The following SMYD3 variants were observed in gnomAD, a reference collection of about 807,000 sequenced individuals.
SMYD3 encodes SET and MYND domain containing 3.
A neutral mutation model predicts 57.7 loss-of-function variants in SMYD3; 36 were observed. The ratio of observed to expected loss-of-function variants is 0.62; its 90% CI spans 0.48 to 0.82. The LOEUF (loss-of-function observed/expected upper bound fraction) is 0.82, where lower values mean the gene tolerates loss of function less well. Among genes scored for constraint, SMYD3 ranks in the 40% least tolerant of loss-of-function variants. The pLI is 0.00. For missense variants in SMYD3, 515 were observed against 538.8 expected (o/e 0.96, Z 0.44); for synonymous variants, 211 against 195.0 (o/e 1.08, Z -0.68).
chr1:246,122,667 T>C (rs1335534634), intron 5 of SMYD3, among the ~76,000 whole-genome samples: 2 of 152,224 alleles, frequency 1.3e-5, no homozygotes, highest in African/African-American at 2.4e-5. Context: ...AGGACACGTT[T>C]CATTTAACTC....
chr1:246,001,098 C>T (rs2059033498), intron 5 of SMYD3, among the ~76,000 whole-genome samples: 1 of 152,146 alleles, frequency 6.6e-6, no homozygotes, highest in Non-Finnish European at 1.5e-5. Context: ...AGGAGGGAAA[C>T]GAGACTGATG....
At chr1:246,336,137 G>C (rs1052573640) in intron 2 of SMYD3, among the ~76,000 whole-genome samples, 1 of 152,248 alleles carries the variant, frequency 6.6e-6, no homozygotes, top group South Asian at 2.1e-4. Context: ...CCTAAGCCAT[G>C]ATCCTAGCCA....
At chr1:246,081,998 C>T (rs1212104400) in intron 5 of SMYD3, among the ~76,000 whole-genome samples, 1 of 152,238 alleles carries the variant, frequency 6.6e-6, no homozygotes, top group East Asian at 1.9e-4. Context: ...TTGCCAAGAT[C>T]ATGACGGTGA....
intron 5 of SMYD3, among the ~76,000 whole-genome samples, chr1:246,212,914 T>C (rs1370715235): frequency 6.6e-6 from 1 of 152,144 alleles, no homozygotes; most frequent in African/African-American, 2.4e-5. Flanking sequence ...TTCAGTAACT[T>C]GCTCTCCCTT....
intron 5 of SMYD3, among the ~76,000 whole-genome samples, chr1:245,937,909 G>A (rs894004299): frequency 2.0e-5 from 3 of 152,228 alleles, no homozygotes; most frequent in Non-Finnish European, 2.9e-5. Context: ...GCTAGGTGCT[G>A]CATAGCACCT....
chr1:246,370,200 G>A (rs1017832663), intron 1 of SMYD3, among the ~76,000 whole-genome samples: 1 of 152,162 alleles, frequency 6.6e-6, no homozygotes, highest in Non-Finnish European at 1.5e-5. Context: ...GGGCATCATC[G>A]CATAACGTCC....
intron 5 of SMYD3, among the ~76,000 whole-genome samples, chr1:246,225,466 A>G (rs558544369): frequency 6.6e-6 from 1 of 151,666 alleles, no homozygotes; most frequent in South Asian, 2.1e-4. Flanking sequence ...CTGAAAAGAG[A>G]ATGGAAGGTG....
chr1:246,146,425 C>T (rs973484955), intron 5 of SMYD3, among the ~76,000 whole-genome samples: 1 of 152,154 alleles, frequency 6.6e-6, no homozygotes, highest in African/African-American at 2.4e-5. Flanking sequence ...TGTGAGTTAA[C>T]GACAAGGGTT....
intron 5 of SMYD3, among the ~76,000 whole-genome samples, chr1:246,182,156 C>T (rs569972533): frequency 1.9e-4 from 29 of 152,200 alleles, no homozygotes; most frequent in African/African-American, 7.0e-4. Context: ...TAACTGAAAT[C>T]CAGCACATTA....
rs560325829 is a variant in SMYD3 at position 246,220,248 on chromosome 1, T to G, written c.531+106953A>C. ...GACCCACTGCTACCATCACACCAGC[T>G]GCAGTGAGGAGGAATGGCCGGGCCT... is the stretch of plus-strand genomic sequence containing the variant. On this transcript the variant is annotated intron_variant, in intron 5 of 11. Transcript: ENST00000490107. Among the ~76,000 whole-genome samples the G allele has an allele frequency of 5.3e-5, 8 of 152,038 alleles. No homozygotes were observed. In the South Asian group the frequency reaches 1.7e-3, roughly 32 times the overall value.
At chr1:246,395,791 G>A (rs1316369620) in intron 1 of SMYD3, among the ~76,000 whole-genome samples, 1 of 151,726 alleles carries the variant, frequency 6.6e-6, no homozygotes, top group East Asian at 1.9e-4. Flanking sequence ...TGGTCAGACA[G>A]GGAAGAGGAA....
rs115296588 is a variant in SMYD3, at chr1:246,203,850, C to A, written c.531+123351G>T. 3.3e-3 allele frequency among the ~76,000 whole-genome samples: 507 copies of A among 152,302 alleles called. 3 individuals carry two copies. Among genetic ancestry groups the A allele is most frequent in the African/African-American group, 0.012 (489 of 41,552 alleles). Reference sequence around the variant, plus strand: ...ATCTTTTTCATATTTAATGCACCAACAACCCACTCCTAGTCCAGATCTTCC... The same window carrying A: ...ATCTTTTTCATATTTAATGCACCAAAAACCCACTCCTAGTCCAGATCTTCC... On this transcript the variant is annotated intron_variant, in intron 5 of 11. Coordinates refer to ENST00000490107, the MANE Select transcript of SMYD3 (RefSeq NM_001167740.2). The surrounding 1 kb of genome is among the most constrained non-coding windows in gnomAD (Gnocchi z 4.6).
intron 5 of SMYD3, among the ~76,000 whole-genome samples, chr1:246,295,228 C>G (rs1480766956): frequency 1.3e-5 from 2 of 152,084 alleles, no homozygotes; most frequent in African/African-American, 4.8e-5. Flanking sequence ...TCTTTAGTGT[C>G]AGAGACCAAA....
chr1:246,029,687 A>G (rs868315293), intron 5 of SMYD3, among the ~76,000 whole-genome samples: 64 of 146,524 alleles, frequency 4.4e-4, no homozygotes, highest in Middle Eastern at 3.4e-3. Flanking sequence ...AAAAAAAAAA[A>G]AAAGAAAGAA....
rs1323155257 is a variant in SMYD3, at chr1:245,865,236, T to C, written c.814-1350A>G. Among the ~76,000 whole-genome samples the C allele has an allele frequency of 6.6e-5, 10 of 152,288 alleles. No individual in the cohort carries two copies. In the East Asian group the frequency reaches 1.9e-3, roughly 29 times the overall value. On this transcript the variant is annotated intron_variant, in intron 8 of 11. Transcript: ENST00000490107. Reference sequence around the variant, plus strand: ...TCTTCACATAGCTCTTCTATGTATGTAAGGTCAAATCCCATGGGGTAACAC... The same window carrying C: ...TCTTCACATAGCTCTTCTATGTATGCAAGGTCAAATCCCATGGGGTAACAC...
At chr1:246,458,746 G>A (rs1478412407) in intron 1 of SMYD3, among the ~76,000 whole-genome samples, 7 of 151,036 alleles carry the variant, frequency 4.6e-5, no homozygotes, top group Non-Finnish European at 7.4e-5. Context: ...GATTACAGGC[G>A]TGAGCCACCG....
At chr1:245,776,727 A>G (rs934756823) in intron 10 of SMYD3, among the ~76,000 whole-genome samples, 2 of 152,242 alleles carry the variant, frequency 1.3e-5, no homozygotes, top group Non-Finnish European at 2.9e-5. Flanking sequence ...TCTTCTTTGA[A>G]GATTTTCAAA....
chr1:245,894,096 T>C (rs538426402), intron 8 of SMYD3, among the ~76,000 whole-genome samples: 5 of 152,246 alleles, frequency 3.3e-5, no homozygotes, highest in African/African-American at 9.6e-5. Context: ...GAGTGGGGAA[T>C]TGGAGAACTT....
intron 5 of SMYD3, among the ~76,000 whole-genome samples, chr1:245,996,467 G>A (rs1021311426): frequency 1.3e-5 from 2 of 152,174 alleles, no homozygotes; most frequent in Non-Finnish European, 2.9e-5. Flanking sequence ...TTTAAACACT[G>A]TGCTCTAACC....
Sources: allele counts gnomAD v4.1 joint callset (sites outside exome capture counted in the v4.1 genomes callset), GRCh38; gene constraint gnomAD v4.1.1; non-coding constraint Gnocchi (gnomAD v3.1); transcripts MANE v1.5; gene names NCBI Gene and HGNC (gene_info 2026-07-23, HGNC 2026-07-21).